The following FBXW7 variants were observed in gnomAD, a reference collection of about 807,000 sequenced individuals.
FBXW7 encodes the protein F-box/WD repeat-containing protein 7.
Under a neutral mutation model 86.3 loss-of-function variants are expected in FBXW7, and 11 were observed. That is an observed-to-expected ratio of 0.13 (90% confidence interval 0.08 to 0.21). FBXW7 has a LOEUF of 0.21. FBXW7 is among the 10% of genes least tolerant of loss of function. The pLI, the probability that FBXW7 is intolerant of heterozygous loss-of-function variation, is 1.00. For synonymous variants in FBXW7, 313 were observed against 297.9 expected, an observed-to-expected ratio of 1.05 and a Z score of -0.52; for missense variants, 488 against 847.4, an observed-to-expected ratio of 0.58 and a Z score of 5.27.
intron 2 of FBXW7, among the ~76,000 whole-genome samples, chr4:152,529,607 G>A (rs1749827763): frequency 1.3e-5 from 2 of 152,112 alleles, no homozygotes; most frequent in South Asian, 4.2e-4. Context: ...TAACTGTAAT[G>A]TAAAATTGCA....
At chr4:152,447,611 T>C (rs1474431866) in intron 2 of FBXW7, among the ~76,000 whole-genome samples, 1 of 152,220 alleles carries the variant, frequency 6.6e-6, no homozygotes, top group Non-Finnish European at 1.5e-5. Context: ...ATACTTGATA[T>C]TAGATTTTTA....
At chr4:152,355,808 A>G (rs1386635595) in intron 4 of FBXW7, among the ~76,000 whole-genome samples, 1 of 152,126 alleles carries the variant, frequency 6.6e-6, no homozygotes, top group Non-Finnish European at 1.5e-5. Context: ...AACGAGGAAA[A>G]AAAAACAACA....
intron 2 of FBXW7, among the ~76,000 whole-genome samples, chr4:152,414,762 GT>G (rs35215509): frequency 0.016 from 2,435 of 152,130 alleles, 74 homozygotes; most frequent in African/African-American, 0.056. Context: ...GTCCAGAGAG[GT>G]CCTGACCTAT....
At chr4:152,352,932 G>C (rs571612933) in intron 4 of FBXW7, 93 of 1,414,430 alleles carry the variant, frequency 6.6e-5, no homozygotes, top group Admixed American at 5.8e-4. Context: ...TCAATTATAT[G>C]GTGATCCGCT....
At chr4:152,391,798 T>G (rs116742659) in intron 4 of FBXW7, among the ~76,000 whole-genome samples, 1 of 152,090 alleles carries the variant, frequency 6.6e-6, no homozygotes, top group Non-Finnish European at 1.5e-5. Flanking sequence ...AGCTGCCAGG[T>G]AGTAGAGTTG....
chr4:152,503,729 A>G (rs1327591107), intron 2 of FBXW7, among the ~76,000 whole-genome samples: 1 of 152,070 alleles, frequency 6.6e-6, no homozygotes, highest in Non-Finnish European at 1.5e-5. Context: ...GGTATTAAAC[A>G]ATTAGTTTCT....
rs551105411 is a variant in FBXW7, at chr4:152,346,101, C to A, written c.726+829G>T. On this transcript the variant is annotated intron_variant, in intron 6 of 13. Transcript: ENST00000281708. ...CACTTGATGTATATGCATTATCTTACTGGAAGAAGAGATAAATCAATGTAA... is the reference window on the plus strand; with the variant it reads ...CACTTGATGTATATGCATTATCTTAATGGAAGAAGAGATAAATCAATGTAA... Among the ~76,000 whole-genome samples the A allele has an allele frequency of 3.0e-4, 46 of 152,190 alleles. No homozygotes were observed. The Middle Eastern group carries it at 0.01, about 34-fold the overall frequency.
chr4:152,475,015 T>C (rs185870880), intron 2 of FBXW7, among the ~76,000 whole-genome samples: 16 of 151,650 alleles, frequency 1.1e-4, no homozygotes, highest in Admixed American at 1.0e-3. Context: ...AGTGGGAGAA[T>C]CACTTGAACC....
chr4:152,491,255 G>C (rs1199216047), intron 2 of FBXW7, among the ~76,000 whole-genome samples: 2 of 152,074 alleles, frequency 1.3e-5, no homozygotes, highest in African/African-American at 4.8e-5. Flanking sequence ...AGCAGTAATA[G>C]AATAGCTCTT....
intron 4 of FBXW7, among the ~76,000 whole-genome samples, chr4:152,393,732 T>G (rs930989354): frequency 6.6e-6 from 1 of 152,138 alleles, no homozygotes; most frequent in Non-Finnish European, 1.5e-5. Context: ...TTGCATCTGA[T>G]TTCAATAACC....
intron 2 of FBXW7, among the ~76,000 whole-genome samples, chr4:152,528,912 G>A (rs1034533385): frequency 2.6e-5 from 4 of 151,792 alleles, no homozygotes; most frequent in South Asian, 2.1e-4. Context: ...AGCACAATAC[G>A]CTAGGTATAT....
rs1731125186 is a variant in FBXW7 at position 152,345,075 on chromosome 4, CAT to C, written c.726+1853_726+1854del. On this transcript the variant is annotated intron_variant, in intron 6 of 13. Coordinates refer to ENST00000281708, the MANE Select transcript of FBXW7 (RefSeq NM_001349798.2). ...ATGTGTTAGCATGGCAACATACAAC[CAT>C]ATTCCTACCTCTTTGGCTTAATCAG... Among the ~76,000 whole-genome samples, 6 of 152,230 alleles carry C rather than the reference CAT, an allele frequency of 3.9e-5. No homozygotes were observed. In the South Asian group the frequency reaches 1.2e-3, roughly 32 times the overall value.
chr4:152,353,581 C>T (rs191553614), intron 4 of FBXW7, among the ~76,000 whole-genome samples: 17 of 152,228 alleles, frequency 1.1e-4, no homozygotes, highest in Non-Finnish European at 2.2e-4. Flanking sequence ...AAAGAGCAAA[C>T]ACTGTGCTGG....
At chr4:152,429,010 A>G (rs1440935418) in intron 2 of FBXW7, among the ~76,000 whole-genome samples, 1 of 152,092 alleles carries the variant, frequency 6.6e-6, no homozygotes, top group East Asian at 1.9e-4. Flanking sequence ...ACCAACATGG[A>G]GAAACTCCGT....
chr4:152,402,375 C>T (rs1281163509), intron 4 of FBXW7, among the ~76,000 whole-genome samples: 1 of 152,030 alleles, frequency 6.6e-6, no homozygotes, highest in Non-Finnish European at 1.5e-5. Flanking sequence ...GGGAGAAAAA[C>T]AAACTTAATA....
Position 152,322,032 on chromosome 4 carries a change from G to C in FBXW7, c.*849C>G, listed in dbSNP as rs1204559221. 2 of 232,490 alleles carry C rather than the reference G, an allele frequency of 8.6e-6. No individual in the cohort carries two copies. The highest frequency in any genetic ancestry group is 2.2e-5 in the African/African-American group (1 of 45,180). The allele number at this position is 232,490 out of a possible 1,614,324, so 14.4% of individuals were successfully genotyped here. A position where few individuals can be genotyped will look rare whatever the true frequency, so the allele number is the denominator to read the frequency against. On this transcript the variant is annotated 3_prime_UTR_variant, in exon 14 of 14. Transcript: ENST00000281708. ...TTGGAATTCAGTCTGGGACTAAAAC[G>C]TCACAGCAGAAAAAAAATAAAAAAA...
At chr4:152,324,105 T>C in intron 13 of FBXW7, 79 bp downstream of exon 13, 1 of 1,130,492 alleles carries the variant, frequency 8.8e-7, no homozygotes, top group South Asian at 1.4e-5. Context: ...TGACTCTTTT[T>C]GTGATGCTAA....
In FBXW7 at chr4:152,433,799, T is replaced by C. The variant is rs145586491; in HGVS notation, c.-119-21270A>G. On this transcript the variant is annotated intron_variant, in intron 2 of 13. Coordinates refer to ENST00000281708, the MANE Select transcript of FBXW7 (RefSeq NM_001349798.2). ...TTACATTTTCATGTTTAAAAATCTATATTCACTATGCTTTCTAGTTCACAA... is the reference window on the plus strand; with the variant it reads ...TTACATTTTCATGTTTAAAAATCTACATTCACTATGCTTTCTAGTTCACAA... Among the ~76,000 whole-genome samples the C allele has an allele frequency of 2.8e-3, 422 of 152,292 alleles. 1 individual carries two copies. The highest frequency in any genetic ancestry group is 9.6e-3 in the African/African-American group (397 of 41,556).
At chr4:152,525,142 G>A (rs968366769) in intron 2 of FBXW7, among the ~76,000 whole-genome samples, 1 of 152,038 alleles carries the variant, frequency 6.6e-6, no homozygotes, top group Admixed American at 6.6e-5. Context: ...ATAAAGAAAA[G>A]TATTTAAAAT....
Sources: allele counts gnomAD v4.1 joint callset (sites outside exome capture counted in the v4.1 genomes callset), GRCh38; gene constraint gnomAD v4.1.1; transcripts MANE v1.5; gene names NCBI Gene and HGNC (gene_info 2026-07-23, HGNC 2026-07-21).